KCTD1: variants seen among roughly 807,000 people sequenced by gnomAD.
The protein encoded by KCTD1 is potassium channel tetramerization domain containing 1.
Under a neutral mutation model 66.0 loss-of-function variants are expected in KCTD1, and 24 were observed. The ratio of observed to expected loss-of-function variants is 0.36; its 90% confidence interval spans 0.26 to 0.51. The LOEUF is 0.51. Ranked by LOEUF, KCTD1 falls within the 20% of genes least tolerant of loss-of-function variation. The pLI, the probability that KCTD1 is intolerant of heterozygous loss-of-function variation, is 0.95. For synonymous variants in KCTD1, 511 were observed against 517.2 expected (o/e 0.99, Z 0.16); for missense variants, 943 against 1,205.2 (o/e 0.78, Z 3.22).
Position 26,558,940 on chromosome 18 carries a change from G to GA in KCTD1, c.-15-57691dup, listed in dbSNP as rs771697407. Among the ~76,000 whole-genome samples, 65 of 145,862 alleles carry GA rather than the reference G, an allele frequency of 4.5e-4. 1 individual carries two copies. The highest frequency in any genetic ancestry group is 2.7e-4 in the Admixed American group (4 of 14,586). On this transcript the variant is annotated intron_variant, in intron 1 of 4. Coordinates refer to the KCTD1 transcript ENST00000317932. ...TCCGTCTCAAAAAGAAGCAAAAAAAGAAAAAAAAAAGAGAAAAGAAAAGAA... is the reference window on the plus strand; with the variant it reads ...TCCGTCTCAAAAAGAAGCAAAAAAAGAAAAAAAAAAAGAGAAAAGAAAAGAA...
chr18:26,533,827 T>TA (rs143763803), intron 1 of KCTD1, among the ~76,000 whole-genome samples: 84 of 130,404 alleles, frequency 6.4e-4, no homozygotes, highest in African/African-American at 9.7e-4. Context: ...AGCTATTATT[T>TA]AAAAAAAAAA....
At chr18:26,648,397 G>A (rs1237739624) in intron 1 of KCTD1, among the ~76,000 whole-genome samples, 5 of 152,140 alleles carry the variant, frequency 3.3e-5, no homozygotes, top group Admixed American at 1.3e-4. Flanking sequence ...CTCTCACTGC[G>A]GATTTCTCTT....
At chr18:26,471,532 T>A (rs1284404677) in intron 3 of KCTD1, among the ~76,000 whole-genome samples, 1 of 151,980 alleles carries the variant, frequency 6.6e-6, no homozygotes, top group Non-Finnish European at 1.5e-5. Context: ...ATACAGTTTT[T>A]AAAAAGTGTC....
intron 1 of KCTD1, among the ~76,000 whole-genome samples, chr18:26,584,784 G>C (rs1986435360): frequency 6.6e-6 from 1 of 152,176 alleles, no homozygotes; most frequent in Non-Finnish European, 1.5e-5. Context: ...AGGGTTCCTA[G>C]AGTAGGTGAA....
In KCTD1 at chr18:26,548,207, C is replaced by A. The variant is rs1467200106; in HGVS notation, c.330G>T (p.Ser110=). The change falls in exon 1 of 5, where the codon TCG becomes TCT. Residue 110 remains serine (S), a synonymous_variant. Coordinates refer to ENST00000580059, the MANE Select transcript of KCTD1 (RefSeq NM_001142730.3). The stretch of plus-strand genomic sequence containing the variant: ...GCTCGGGCTCCAGCTCCTCCCCGGC[C>A]GAGTCCTCGGGCTCCAGGGGCTCGT... ...DWDEPLEPED[S]AGEELEPEPV... 1.2e-5 allele frequency: 18 copies of A among 1,507,618 alleles called. No individual in the cohort carries two copies. In the African/African-American group the frequency reaches 1.7e-4, roughly 14 times the overall value. 93.4% of individuals were successfully genotyped at this position (1,507,618 alleles called of 1,614,324 possible).
At chr18:26,645,007 G>A (rs1382197054), upstream of KCTD1, among the ~76,000 whole-genome samples, 1 of 152,146 alleles carries the variant, frequency 6.6e-6, no homozygotes, top group Non-Finnish European at 1.5e-5. Context: ...GCCCATCAAG[G>A]CACTGCAAAA....
In KCTD1 at chr18:26,496,398, G is replaced by T. The variant is rs566689503; in HGVS notation, c.1988+4674C>A. The stretch of plus-strand genomic sequence containing the variant: ...AAATTATTGCAGATCTGAACTGGGT[G>T]TTTTTCTTGGGGATTACAATTCAAA... On this transcript the variant is annotated intron_variant, in intron 2 of 4. Coordinates refer to ENST00000580059, the MANE Select transcript of KCTD1 (RefSeq NM_001142730.3). 8.5e-5 allele frequency among the ~76,000 whole-genome samples: 13 copies of T among 152,222 alleles called. No homozygotes were observed. In the East Asian group the frequency reaches 1.5e-3, roughly 18 times the overall value.
At chr18:26,601,253 T>C (rs1986888392) in intron 1 of KCTD1, among the ~76,000 whole-genome samples, 1 of 145,160 alleles carries the variant, frequency 6.9e-6, no homozygotes, top group Admixed American at 7.2e-5. Context: ...TCTTGCCAAA[T>C]ATTTGGAGAG....
chr18:26,504,759 T>C (rs1982944887), intron 1 of KCTD1, among the ~76,000 whole-genome samples: 3 of 152,222 alleles, frequency 2.0e-5, no homozygotes, highest in Admixed American at 1.3e-4. Flanking sequence ...GACACTGAAG[T>C]TGATGCTCAA....
intron 1 of KCTD1, among the ~76,000 whole-genome samples, chr18:26,635,463 C>A (rs1339726138): frequency 6.6e-6 from 1 of 152,218 alleles, no homozygotes; most frequent in South Asian, 2.1e-4. Context: ...TTGGCGTGCC[C>A]ACACCCATGG....
At chr18:26,492,595 G>A (rs79376947) in intron 2 of KCTD1, among the ~76,000 whole-genome samples, 3,823 of 149,318 alleles carry the variant, frequency 0.026, 167 homozygotes, top group African/African-American at 0.089. Context: ...GACAGAACAA[G>A]ACACTGTCTC....
chr18:26,595,781 G>A lies in KCTD1; in HGVS notation c.-16+33366C>T, dbSNP rs187710389. ...TAGGCTGGGTTCATTGGCTCACACC[G>A]GTAATCCCAGCACTTTGGGAGTCCA... On this transcript the variant is annotated intron_variant, in intron 1 of 4. Transcript: ENST00000317932. Among the ~76,000 whole-genome samples, 7 of 152,254 alleles carry A rather than the reference G, an allele frequency of 4.6e-5. No individual in the cohort carries two copies. In the East Asian group the frequency reaches 7.7e-4, roughly 17 times the overall value.
intron 1 of KCTD1, chr18:26,575,394 T>C (rs748372614): frequency 6.6e-6 from 1 of 152,168 alleles, no homozygotes; most frequent in South Asian, 2.1e-4. Flanking sequence ...GAACGTGGTG[T>C]GCGTGCGGGC....
intron 3 of KCTD1, among the ~76,000 whole-genome samples, chr18:26,470,206 T>C (rs896741220): frequency 2.6e-5 from 4 of 152,140 alleles, no homozygotes; most frequent in African/African-American, 9.7e-5. Context: ...TGCTGCTGGC[T>C]AGCTTCCCCA....
intron 1 of KCTD1, among the ~76,000 whole-genome samples, chr18:26,532,181 G>T (rs1984465232): frequency 6.6e-6 from 1 of 151,252 alleles, no homozygotes; most frequent in Admixed American, 6.6e-5. Context: ...AGGCGGCTTT[G>T]TCAAGAAGGA....
intron 1 of KCTD1, among the ~76,000 whole-genome samples, chr18:26,569,555 T>G (rs1425224188): frequency 6.7e-6 from 1 of 148,504 alleles, no homozygotes; most frequent in Non-Finnish European, 1.5e-5. Flanking sequence ...GCAAAGCATT[T>G]GGGACACAAA....
chr18:26,645,434 G>A (rs567852115), intron 1 of KCTD1, among the ~76,000 whole-genome samples: 2 of 152,138 alleles, frequency 1.3e-5, no homozygotes, highest in Admixed American at 6.6e-5. Flanking sequence ...ACAGGGTCTC[G>A]CTCTGTCACC....
chr18:26,548,403 T>TGGCGGCGGCCGC lies in KCTD1; in HGVS notation c.122_133dup (p.Arg41_Arg44dup). 1.4e-6 allele frequency: 2 copies of TGGCGGCGGCCGC among 1,434,386 alleles called. No homozygotes were observed. Among genetic ancestry groups the TGGCGGCGGCCGC allele is most frequent in the Non-Finnish European group, 1.8e-6 (2 of 1,091,808 alleles). The allele number at this position is 1,434,386 out of a possible 1,614,324, so 88.9% of individuals were successfully genotyped here. ...CGCGCTGCAGTAGTGCGGACGGCTGTGGCGGCGGCCGCGGCCCCCCGCGCC... is the reference window on the plus strand; with the variant it reads ...CGCGCTGCAGTAGTGCGGACGGCTGTGGCGGCGGCCGCGGCGGCGGCCGCGGCCCCCCGCGCC... On this transcript the variant is annotated inframe_insertion, in exon 1 of 5. Transcript: ENST00000580059.
At chr18:26,578,966 A>G (rs968458413) in intron 1 of KCTD1, among the ~76,000 whole-genome samples, 4 of 152,216 alleles carry the variant, frequency 2.6e-5, no homozygotes, top group Admixed American at 1.3e-4. Context: ...TGCATAGGAA[A>G]TAGGAGGGCT....
Sources: allele counts gnomAD v4.1 joint callset (sites outside exome capture counted in the v4.1 genomes callset), GRCh38; gene constraint gnomAD v4.1.1; transcripts MANE v1.5; gene names NCBI Gene and HGNC (gene_info 2026-07-23, HGNC 2026-07-21).